The following ADHFE1 variants were observed in gnomAD, a reference collection of about 807,000 sequenced individuals.
ADHFE1 encodes hydroxyacid-oxoacid transhydrogenase, mitochondrial.
A neutral mutation model predicts 54.8 loss-of-function variants in ADHFE1; 37 were observed. The observed-to-expected ratio is 0.68, with a 90% CI of 0.52 to 0.89. The LOEUF (loss-of-function observed/expected upper bound fraction) is 0.89. Ranked by LOEUF, ADHFE1 falls within the 40% of genes least tolerant of loss-of-function variation. The pLI is 0.00. For synonymous variants in ADHFE1, 203 were observed against 229.3 expected, an observed-to-expected ratio of 0.89 and a Z score of 1.04; for missense variants, 601 against 591.2, an observed-to-expected ratio of 1.02 and a Z score of -0.17.
At chr8:66,449,085 C>G (rs995613226) in intron 8 of ADHFE1, 115 bp downstream of exon 8, 9 of 918,888 alleles carry the variant, frequency 9.8e-6, no homozygotes, top group African/African-American at 5.1e-5. Context: ...ACATCCCTAG[C>G]TTTGGCTGTC....
chr8:66,446,679 A>G (rs1046606267), intron 6 of ADHFE1, among the ~76,000 whole-genome samples: 1 of 152,256 alleles, frequency 6.6e-6, no homozygotes, highest in Non-Finnish European at 1.5e-5. Context: ...CAATATGCAT[A>G]TTAAACATGA....
chr8:66,445,457 G>A (rs1270710733), intron 6 of ADHFE1, 43 bp downstream of exon 6: 2 of 1,529,020 alleles, frequency 1.3e-6, no homozygotes, highest in African/African-American at 1.4e-5. Flanking sequence ...TTTGCAATGA[G>A]CAATAGATCT....
At chr8:66,438,710 G>T (rs751057421) in intron 1 of ADHFE1, among the ~76,000 whole-genome samples, 1 of 152,098 alleles carries the variant, frequency 6.6e-6, no homozygotes, top group Non-Finnish European at 1.5e-5. Flanking sequence ...AAAGTTTCAG[G>T]CGCAAAACTC....
At chr8:66,463,095 TA>T (rs1806988456) in intron 13 of ADHFE1, among the ~76,000 whole-genome samples, 1 of 152,216 alleles carries the variant, frequency 6.6e-6, no homozygotes, top group Admixed American at 6.5e-5. Flanking sequence ...GTGCTGGGAT[TA>T]CAGGCGTGAG....
At chr8:66,457,253 T>A in intron 12 of ADHFE1, 87 bp downstream of exon 12, 2 of 1,253,848 alleles carry the variant, frequency 1.6e-6, no homozygotes, top group Non-Finnish European at 2.3e-6. Context: ...CTAAGTTGGG[T>A]GCATCACTTG....
chr8:66,464,492 A>G (rs1439206872), intron 13 of ADHFE1, among the ~76,000 whole-genome samples: 2 of 152,192 alleles, frequency 1.3e-5, no homozygotes, highest in African/African-American at 4.8e-5. Context: ...CAAACACTGA[A>G]CTTCAGTTCT....
At chr8:66,455,371 C>T (rs57897439) in intron 10 of ADHFE1, among the ~76,000 whole-genome samples, 2,249 of 152,264 alleles carry the variant, frequency 0.015, 65 homozygotes, top group African/African-American at 0.051. Flanking sequence ...TTGTCAATAG[C>T]CCAGAATTAA....
intron 7 of ADHFE1, among the ~76,000 whole-genome samples, chr8:66,447,909 G>A (rs1403954079): frequency 6.6e-6 from 1 of 152,072 alleles, no homozygotes; most frequent in Non-Finnish European, 1.5e-5. Flanking sequence ...ATTTTATTGA[G>A]ATATGACTTT....
Position 66,453,509 on chromosome 8 carries a change from G to GT in ADHFE1, c.888-549dup, listed in dbSNP as rs577385841. 9.8e-5 allele frequency among the ~76,000 whole-genome samples: 15 copies of GT among 152,308 alleles called. No individual in the cohort carries two copies. The South Asian group carries it at 3.1e-3, about 32-fold the overall frequency. On this transcript the variant is annotated intron_variant, in intron 9 of 13. Transcript: ENST00000396623. ...GCTTTTGAGAATTGACTTTTCCAAA[G>GT]TGGCACTGGGGACACCCAGAGCAAG...
At chr8:66,464,574 C>T (rs1807069822) in intron 13 of ADHFE1, among the ~76,000 whole-genome samples, 1 of 152,178 alleles carries the variant, frequency 6.6e-6, no homozygotes. Context: ...CTTAGGGTCT[C>T]TTAAAAATCT....
chr8:66,442,462 C>T (rs1805807338), intron 2 of ADHFE1, among the ~76,000 whole-genome samples: 1 of 151,954 alleles, frequency 6.6e-6, no homozygotes, highest in Non-Finnish European at 1.5e-5. Flanking sequence ...AGGCGCTCGC[C>T]ACCACACCTG....
rs555500433 is a variant in ADHFE1, at chr8:66,456,983, G to T, written c.1066-87G>T. Reference sequence around the variant, plus strand: ...ATTTGCCAATTCTCGCCTGCTTAGAGTATGGGGTAAAGTAACTTAACATCT... The same window carrying T: ...ATTTGCCAATTCTCGCCTGCTTAGATTATGGGGTAAAGTAACTTAACATCT... On this transcript the variant is annotated intron_variant, in intron 11 of 13. Transcript: ENST00000396623. 5.9e-4 allele frequency: 892 copies of T among 1,501,666 alleles called. 4 individuals carry two copies. In the African/African-American group the frequency reaches 0.012, roughly 20 times the overall value. 93.0% of individuals were successfully genotyped at this position (1,501,666 alleles called of 1,614,324 possible).
intron 10 of ADHFE1, 75 bp from the exon 11 acceptor site, chr8:66,456,742 A>G (rs2130453291): frequency 2.6e-6 from 3 of 1,142,746 alleles, no homozygotes; most frequent in South Asian, 2.6e-5. Flanking sequence ...AGGCATCCCC[A>G]TAAGAGTATC....
At chr8:66,462,391 AG>A (rs1355694194) in intron 13 of ADHFE1, among the ~76,000 whole-genome samples, 3 of 152,322 alleles carry the variant, frequency 2.0e-5, no homozygotes, top group South Asian at 2.1e-4. Context: ...CCAGCACTAT[AG>A]GTGTGTGCCA....
chr8:66,453,857 T>C (rs1242195900), intron 9 of ADHFE1: 13 of 1,506,874 alleles, frequency 8.6e-6, no homozygotes, highest in Admixed American at 4.0e-5. Flanking sequence ...ATTATGCCTT[T>C]GCTGAAACAG....
rs150669566 is a variant in ADHFE1 at position 66,450,883 on chromosome 8, C to T, written c.735-1070C>T. ...TCCATCTACAAACTAATTTCCAAAA[C>T]AATTTTCTAATGATTGGTCCAAAAA... On this transcript the variant is annotated intron_variant, in intron 8 of 13. Coordinates refer to ENST00000396623, the MANE Select transcript of ADHFE1 (RefSeq NM_144650.3). Among the ~76,000 whole-genome samples the T allele has an allele frequency of 4.5e-3, 683 of 152,344 alleles. 6 individuals carry two copies. The highest frequency in any genetic ancestry group is 0.014 in the African/African-American group (600 of 41,572).
Position 66,440,167 on chromosome 8 carries a change from A to G in ADHFE1, c.65A>G (p.Gln22Arg), listed in dbSNP as rs1383401550. ...GTCGTTTTTATTTTCCCTAGGTGCCAGTGCCCAACTCATTCTCATACTTAC... is the reference window on the plus strand; with the variant it reads ...GTCGTTTTTATTTTCCCTAGGTGCCGGTGCCCAACTCATTCTCATACTTAC... ...LLRQLQRAAC[Q>R]CPTHSHTYSQ... is the part of the protein sequence containing the mutation. Residue 22 changes from glutamine (Q) to arginine (R), a missense_variant, in exon 2 of 14, where the codon CAG (glutamine) becomes CGG (arginine). By Grantham distance (43) the Gln-to-Arg change is conservative (BLOSUM62 1). Coordinates refer to ENST00000396623, the MANE Select transcript of ADHFE1 (RefSeq NM_144650.3). 3.1e-6 allele frequency: 5 copies of G among 1,602,672 alleles called. No homozygotes were observed. The Admixed American group carries it at 8.4e-5, about 27-fold the overall frequency.
Position 66,454,075 on chromosome 8 carries a change from G to T in ADHFE1, c.904G>T (p.Asp302Tyr). ...CATTCACAGGGCTGTCAGAAATCCC[G>T]ATGATCTTGAAGCAAGGTCTCATAT... Reference protein sequence around the residue: ...KYLKRAVRNPDDLEARSHMHL... With the variant: ...KYLKRAVRNPYDLEARSHMHL... The change falls in exon 10 of 14, where the codon GAT becomes TAT. Residue 302 changes from aspartate (D) to tyrosine (Y), a missense_variant. Transcript: ENST00000396623. 3 of 1,613,908 alleles carry T rather than the reference G, an allele frequency of 1.9e-6. No homozygotes were observed. Among genetic ancestry groups the T allele is most frequent in the South Asian group, 2.2e-5 (2 of 91,018 alleles).
intron 13 of ADHFE1, among the ~76,000 whole-genome samples, chr8:66,464,918 C>G (rs557635271): frequency 1.3e-5 from 2 of 152,298 alleles, no homozygotes; most frequent in South Asian, 4.1e-4. Context: ...CTTTCTGTCT[C>G]TATGAATTTG....
Sources: gnomAD v4.1 joint callset for allele counts (sites outside exome capture counted in the v4.1 genomes callset) on GRCh38, gnomAD v4.1.1 for gene constraint, MANE v1.5 for transcripts, NCBI Gene and HGNC (gene_info 2026-07-23, HGNC 2026-07-21) for gene names.